Variants in SLC4A10 observed in about 807,000 individuals in gnomAD.
The protein encoded by SLC4A10 is sodium-driven chloride bicarbonate exchanger.
Under a neutral mutation model 137.7 loss-of-function variants are expected in SLC4A10, and 42 were observed. The ratio of observed to expected loss-of-function variants is 0.30; its 90% confidence interval spans 0.24 to 0.39. SLC4A10 has a LOEUF of 0.39. Ranked by LOEUF, SLC4A10 falls within the 10% of genes least tolerant of loss-of-function variation. The probability of loss-of-function intolerance (pLI) is 1.00; values close to 1 mark genes in which losing one functional copy is unlikely to be tolerated. For synonymous variants in SLC4A10, 474 were observed against 464.1 expected (o/e 1.02, Z -0.27); for missense variants, 925 against 1,355.0 (o/e 0.68, Z 4.98).
intron 1 of SLC4A10, among the ~76,000 whole-genome samples, chr2:161,717,171 T>C (rs1046062458): frequency 1.2e-4 from 18 of 152,232 alleles, no homozygotes; most frequent in African/African-American, 3.6e-4. Flanking sequence ...TTGCTGAAGT[T>C]GCTTATCTGC....
rs146976728 is a variant in SLC4A10, at chr2:161,735,469, A to G, written c.49-35504A>G. Among the ~76,000 whole-genome samples, 48 of 152,290 alleles carry G rather than the reference A, an allele frequency of 3.2e-4. No individual in the cohort carries two copies. In the East Asian group the frequency reaches 8.1e-3, roughly 26 times the overall value. On this transcript the variant is annotated intron_variant, in intron 1 of 26. Transcript: ENST00000446997. ...ATTATCTATTACTTAATTTAATACAATATGATCTTAGGATTTTAAGTTACT... is the reference window on the plus strand; with the variant it reads ...ATTATCTATTACTTAATTTAATACAGTATGATCTTAGGATTTTAAGTTACT...
At chr2:161,757,397 A>G (rs138380068) in intron 1 of SLC4A10, among the ~76,000 whole-genome samples, 1,917 of 152,300 alleles carry the variant, frequency 0.013, 25 homozygotes, top group Non-Finnish European at 0.018. Flanking sequence ...GTGGGGATCA[A>G]AATATTTAGA....
chr2:161,723,148 G>A (rs1404356519), intron 1 of SLC4A10, among the ~76,000 whole-genome samples: 1 of 152,190 alleles, frequency 6.6e-6, no homozygotes, highest in Non-Finnish European at 1.5e-5. Context: ...AGTCCTCACA[G>A]CCCTGTGCTT....
At chr2:161,668,163 C>T (rs774631862) in intron 1 of SLC4A10, among the ~76,000 whole-genome samples, 4 of 151,738 alleles carry the variant, frequency 2.6e-5, no homozygotes, top group African/African-American at 9.7e-5. Context: ...TATGGAATGT[C>T]AGATTGTCAT....
At chr2:161,746,156 C>A (rs1199167512) in intron 1 of SLC4A10, among the ~76,000 whole-genome samples, 1 of 152,010 alleles carries the variant, frequency 6.6e-6, no homozygotes, top group Non-Finnish European at 1.5e-5. Flanking sequence ...CCAGGACTGG[C>A]TCTTTCCTTT....
intron 1 of SLC4A10, among the ~76,000 whole-genome samples, chr2:161,770,034 A>G (rs2051380039): frequency 6.6e-6 from 1 of 151,948 alleles, no homozygotes; most frequent in Non-Finnish European, 1.5e-5. Context: ...AGAGGAAACA[A>G]AAACCTTTTT....
At chr2:161,817,797 C>T (rs533396536) in intron 3 of SLC4A10, among the ~76,000 whole-genome samples, 27 of 151,822 alleles carry the variant, frequency 1.8e-4, no homozygotes, top group African/African-American at 5.5e-4. Context: ...TGTAGATATG[C>T]GGCATTATTT....
intron 3 of SLC4A10, among the ~76,000 whole-genome samples, chr2:161,825,056 C>T (rs887894722): frequency 4.6e-5 from 7 of 152,008 alleles, no homozygotes; most frequent in African/African-American, 1.7e-4. Flanking sequence ...CTTGTTTTCT[C>T]CAGTTTATTG....
chr2:161,884,123 A>C (rs1301658216), intron 10 of SLC4A10, among the ~76,000 whole-genome samples: 1 of 152,128 alleles, frequency 6.6e-6, no homozygotes, highest in Admixed American at 6.6e-5. Flanking sequence ...CTGAGAAAAC[A>C]CTCACAGTAT....
At chr2:161,775,235 C>A (rs865887989) in intron 2 of SLC4A10, among the ~76,000 whole-genome samples, 2 of 151,878 alleles carry the variant, frequency 1.3e-5, no homozygotes, top group Admixed American at 6.6e-5. Flanking sequence ...GATGTGGGAT[C>A]TTGGCTACAG....
At chr2:161,877,782 T>C (rs1237355454) in intron 8 of SLC4A10, among the ~76,000 whole-genome samples, 1 of 152,066 alleles carries the variant, frequency 6.6e-6, no homozygotes, top group Non-Finnish European at 1.5e-5. Flanking sequence ...GATATTTTTA[T>C]AGGCAGTTTT....
intron 16 of SLC4A10, among the ~76,000 whole-genome samples, chr2:161,946,483 G>T (rs12474587): frequency 0.33 from 50,581 of 151,810 alleles, 9,594 homozygotes; most frequent in Admixed American, 0.43. Context: ...GTTCATATTT[G>T]TCTCCAAGAT....
intron 2 of SLC4A10, among the ~76,000 whole-genome samples, chr2:161,785,387 C>A (rs1460845026): frequency 7.2e-6 from 1 of 138,312 alleles, no homozygotes; most frequent in African/African-American, 3.3e-5. Context: ...CCAGCATTAC[C>A]CTGATACCAA....
intron 6 of SLC4A10, among the ~76,000 whole-genome samples, chr2:161,863,669 CAT>C (rs2060565273): frequency 6.6e-6 from 1 of 152,180 alleles, no homozygotes; most frequent in Admixed American, 6.5e-5. Flanking sequence ...CATAAACCAA[CAT>C]AGATGACCAC....
In SLC4A10 at chr2:161,661,439, A is replaced by C. The variant is rs1482862920; in HGVS notation, c.48+36873A>C. ...CAGTGAGCCGAGATTGCACCACTGC[A>C]CTCCAGCCTGGCAACAGAGCGAGAC... On this transcript the variant is annotated intron_variant, in intron 1 of 26. Coordinates refer to ENST00000446997, the MANE Select transcript of SLC4A10 (RefSeq NM_001178015.2). Among the ~76,000 whole-genome samples the C allele has an allele frequency of 3.3e-5, 5 of 152,250 alleles. No individual in the cohort carries two copies. The East Asian group carries it at 9.6e-4, about 29-fold the overall frequency.
intron 19 of SLC4A10, among the ~76,000 whole-genome samples, chr2:161,952,773 C>A (rs540022896): frequency 2.0e-5 from 3 of 152,298 alleles, no homozygotes; most frequent in Admixed American, 2.0e-4. Flanking sequence ...CCTATTGGGC[C>A]TATAACTCTT....
At chr2:161,855,892 T>A (rs2060071895) in intron 5 of SLC4A10, among the ~76,000 whole-genome samples, 1 of 151,992 alleles carries the variant, frequency 6.6e-6, no homozygotes, top group South Asian at 2.1e-4. Flanking sequence ...TGGGAAAAAA[T>A]AAAATTCATT....
chr2:161,680,129 A>G (rs949903476), intron 1 of SLC4A10, among the ~76,000 whole-genome samples: 1 of 152,102 alleles, frequency 6.6e-6, no homozygotes, highest in Non-Finnish European at 1.5e-5. Flanking sequence ...CGGATCCACC[A>G]TCTATGTCTG....
At chr2:161,729,901 CT>C (rs2046650622) in intron 1 of SLC4A10, among the ~76,000 whole-genome samples, 1 of 152,094 alleles carries the variant, frequency 6.6e-6, no homozygotes, top group South Asian at 2.1e-4. Flanking sequence ...CACTGGTCCT[CT>C]TTTATTTGTA....
Sources: gnomAD v4.1 joint callset for allele counts (sites outside exome capture counted in the v4.1 genomes callset) on GRCh38, gnomAD v4.1.1 for gene constraint, MANE v1.5 for transcripts, NCBI Gene and HGNC (gene_info 2026-07-23, HGNC 2026-07-21) for gene names.